ESR2: variants seen among roughly 807,000 people sequenced by gnomAD.
ESR2 encodes the protein estrogen receptor 2, also known as estrogen receptor beta.
Under a neutral mutation model 49.6 loss-of-function variants are expected in ESR2, and 36 were observed. The ratio of observed to expected loss-of-function variants is 0.73; its 90% CI spans 0.56 to 0.96. The LOEUF is 0.96. ESR2 is among the 40% of genes least tolerant of loss of function. ESR2 has a pLI of 0.00. For synonymous variants in ESR2, 320 were observed against 266.1 expected, an observed-to-expected ratio of 1.20 and a Z score of -1.97; for missense variants, 714 against 693.0, an observed-to-expected ratio of 1.03 and a Z score of -0.34.
At chr14:64,243,199 G>A (rs2075775182) in intron 7 of ESR2, among the ~76,000 whole-genome samples, 1 of 152,180 alleles carries the variant, frequency 6.6e-6, no homozygotes, top group Admixed American at 6.5e-5. Flanking sequence ...TCCAGATGGT[G>A]GTGGGGCCAC....
chr14:64,326,575 T>G (rs552461733), intron 1 of ESR2, among the ~76,000 whole-genome samples: 3 of 152,216 alleles, frequency 2.0e-5, no homozygotes, highest in Non-Finnish European at 4.4e-5. Flanking sequence ...CAATGACATG[T>G]TGGTATCAAA....
chr14:64,273,424 G>C (rs2076490550), intron 3 of ESR2, among the ~76,000 whole-genome samples: 1 of 152,146 alleles, frequency 6.6e-6, no homozygotes, highest in African/African-American at 2.4e-5. Flanking sequence ...TCTCCATTAA[G>C]TGTGATACTA....
At chr14:64,304,222 A>G (rs1596476255) in intron 1 of ESR2, among the ~76,000 whole-genome samples, 1 of 152,114 alleles carries the variant, frequency 6.6e-6, no homozygotes, top group Non-Finnish European at 1.5e-5. Context: ...TGGGAGGATC[A>G]CCTGAGCCCG....
chr14:64,328,519 G>A (rs1054156299), intron 1 of ESR2, among the ~76,000 whole-genome samples: 1 of 152,178 alleles, frequency 6.6e-6, no homozygotes, highest in African/African-American at 2.4e-5. Flanking sequence ...AAGACATTTG[G>A]AGAGCAATAT....
intron 1 of ESR2, among the ~76,000 whole-genome samples, chr14:64,313,403 G>A (rs978611115): frequency 6.6e-6 from 1 of 151,902 alleles, no homozygotes; most frequent in East Asian, 1.9e-4. Flanking sequence ...ATGTGGTGGT[G>A]CACACCTGTA....
At chr14:64,298,903 C>T (rs1165584154), upstream of ESR2, among the ~76,000 whole-genome samples, 1 of 151,800 alleles carries the variant, frequency 6.6e-6, no homozygotes, top group Non-Finnish European at 1.5e-5. Context: ...ACATTTTTGT[C>T]CTTACTTCCA....
At chr14:64,227,280 G>A (rs541332551), downstream of ESR2, 3 of 512,534 alleles carry the variant, frequency 5.9e-6, no homozygotes, top group Admixed American at 3.6e-5. Context: ...CCTCATGGGT[G>A]AGACATCTGC....
intron 3 of ESR2, among the ~76,000 whole-genome samples, chr14:64,274,984 G>T (rs1235031427): frequency 1.3e-5 from 2 of 152,062 alleles, no homozygotes; most frequent in Non-Finnish European, 2.9e-5. Context: ...CAGTTTTTTT[G>T]AATGTTTTAA....
chr14:64,264,942 G>A (rs1465055889), intron 4 of ESR2, among the ~76,000 whole-genome samples: 2 of 148,850 alleles, frequency 1.3e-5, no homozygotes, highest in Non-Finnish European at 3.0e-5. Flanking sequence ...GTAGAGTATA[G>A]AGTATATAAG....
intron 6 of ESR2, among the ~76,000 whole-genome samples, chr14:64,249,989 G>A (rs888987710): frequency 6.6e-6 from 1 of 152,138 alleles, no homozygotes; most frequent in African/African-American, 2.4e-5. Context: ...TTTTCTTACA[G>A]CAATACCACT....
chr14:64,282,895 A>G lies in ESR2; in HGVS notation c.91T>C (p.Tyr31His). The G allele has an allele frequency of 2.5e-6, 4 of 1,614,134 alleles. No homozygotes were observed. The highest frequency in any genetic ancestry group is 3.4e-6 in the Non-Finnish European group (4 of 1,179,932). The change falls in exon 2 of 9, where the codon TAC (tyrosine) becomes CAC (histidine). Residue 31 changes from tyrosine (Y) to histidine (H), a missense_variant. Coordinates refer to ENST00000341099, the MANE Select transcript of ESR2 (RefSeq NM_001437.3). Reference protein sequence around the residue: ...SILPLEHGSIYIPSSYVDSHH... With the variant: ...SILPLEHGSIHIPSSYVDSHH... ...CTGTCTACATAGGAGGAAGGTATGT[A>G]TATGGAGCCGTGCTCCAGGGGTAAG...
Position 64,293,837 on chromosome 14 carries a change from A to C in ESR2, c.-91+196T>G, listed in dbSNP as rs2076910408. The stretch of plus-strand genomic sequence containing the variant: ...CAGAGCTCACGGCACAAACTAAATA[A>C]GTTAACTTGCCAGTGTCTTGAATGA... On this transcript the variant is annotated intron_variant, in intron 1 of 8. Coordinates refer to ENST00000341099, the MANE Select transcript of ESR2 (RefSeq NM_001437.3). Among the ~76,000 whole-genome samples the C allele has an allele frequency of 2.0e-5, 3 of 152,238 alleles. No homozygotes were observed. In the South Asian group the frequency reaches 6.2e-4, roughly 32 times the overall value.
intron 1 of ESR2, among the ~76,000 whole-genome samples, chr14:64,292,778 T>C (rs894092612): frequency 3.9e-5 from 6 of 152,212 alleles, no homozygotes; most frequent in Non-Finnish European, 8.8e-5. Context: ...CTATTAAATG[T>C]TAATTATATG....
intron 5 of ESR2, among the ~76,000 whole-genome samples, chr14:64,259,047 T>A (rs1375689637): frequency 6.6e-6 from 1 of 152,202 alleles, no homozygotes; most frequent in South Asian, 2.1e-4. Context: ...CAGCAATAAT[T>A]AATTTCACCA....
intron 6 of ESR2, among the ~76,000 whole-genome samples, chr14:64,252,898 C>T (rs980930789): frequency 6.6e-6 from 1 of 152,160 alleles, no homozygotes; most frequent in Admixed American, 6.5e-5. Context: ...CCCCGATGCC[C>T]AGACTGGAGT....
chr14:64,227,368 T>A, downstream of ESR2: 1 of 717,060 alleles, frequency 1.4e-6, no homozygotes, highest in Non-Finnish European at 2.3e-6. Context: ...AATTGTTGGA[T>A]TGATAATAGA....
intron 6 of ESR2, among the ~76,000 whole-genome samples, chr14:64,253,232 C>A (rs2076025102): frequency 6.6e-6 from 1 of 151,682 alleles, no homozygotes. Flanking sequence ...GCTCTGTCGC[C>A]CCAGCTGGAG....
At chr14:64,281,151 G>C (rs983602494) in intron 2 of ESR2, among the ~76,000 whole-genome samples, 1 of 152,150 alleles carries the variant, frequency 6.6e-6, no homozygotes, top group African/African-American at 2.4e-5. Context: ...GAGAGAACAA[G>C]CAAGTGCCTG....
upstream of ESR2, among the ~76,000 whole-genome samples, chr14:64,298,046 GAT>G (rs1335374467): frequency 1.4e-4 from 21 of 152,248 alleles, no homozygotes; most frequent in African/African-American, 4.8e-4. Context: ...GAATGAAAAA[GAT>G]AGGATTACTA....
Sources: allele counts gnomAD v4.1 joint callset (sites outside exome capture counted in the v4.1 genomes callset), GRCh38; gene constraint gnomAD v4.1.1; transcripts MANE v1.5; gene names NCBI Gene and HGNC (gene_info 2026-07-23, HGNC 2026-07-21).